The following RXFP2 variants were observed in gnomAD, a reference collection of about 807,000 sequenced individuals.
The protein encoded by RXFP2 is relaxin receptor 2.
In RXFP2, 68 loss-of-function variants were observed where a neutral mutation model predicts 88.6. The ratio of observed to expected loss-of-function variants is 0.77; its 90% CI spans 0.63 to 0.94. The LOEUF (loss-of-function observed/expected upper bound fraction) is 0.94, where lower values mean the gene tolerates loss of function less well. Ranked by LOEUF, RXFP2 falls within the 40% of genes least tolerant of loss-of-function variation. The pLI is 0.00. For missense variants in RXFP2, 791 were observed against 893.9 expected (o/e 0.88, Z 1.47); for synonymous variants, 329 against 306.8 (o/e 1.07, Z -0.76).
chr13:31,792,012 C>A lies in RXFP2; in HGVS notation c.1352C>A (p.Ala451Asp), dbSNP rs748177810. The A allele has an allele frequency of 6.2e-7, 1 of 1,612,702 alleles. No individual in the cohort carries two copies. The change falls in exon 15 of 18, where the codon GCT becomes GAT. Residue 451 changes from alanine (A) to aspartate (D), a missense_variant. Transcript: ENST00000298386. ...ATTAAAGCTGAAAATACAACTCACG[C>A]TATGTCCATCAAAATCCTTTGTTGT... is the stretch of plus-strand genomic sequence containing the variant. ...SFIKAENTTH[A>D]MSIKILCCAD...
At chr13:31,781,647 A>G (rs752541996) in intron 9 of RXFP2, 24 bp from the exon 10 acceptor site, 1 of 1,537,432 alleles carries the variant, frequency 6.5e-7, no homozygotes, top group South Asian at 1.1e-5. Context: ...AATATTAAAA[A>G]TATCTTTCCT....
intron 1 of RXFP2, among the ~76,000 whole-genome samples, chr13:31,754,421 C>T (rs1871831459): frequency 6.6e-6 from 1 of 152,028 alleles, no homozygotes; most frequent in Non-Finnish European, 1.5e-5. Context: ...GTCCCAGCTA[C>T]TGGGGAGGAT....
At chr13:31,768,162 T>C (rs1205040729) in intron 5 of RXFP2, among the ~76,000 whole-genome samples, 1 of 152,196 alleles carries the variant, frequency 6.6e-6, no homozygotes, top group African/African-American at 2.4e-5. Context: ...AAATGTCTAA[T>C]TCTACTTTGT....
At chr13:31,762,394 A>C (rs997275580) in intron 3 of RXFP2, among the ~76,000 whole-genome samples, 2 of 152,072 alleles carry the variant, frequency 1.3e-5, no homozygotes, top group Non-Finnish European at 2.9e-5. Context: ...TCAACAAAAC[A>C]CTGGGGTCAG....
intron 14 of RXFP2, among the ~76,000 whole-genome samples, chr13:31,790,425 T>G (rs1873739340): frequency 6.6e-6 from 1 of 152,194 alleles, no homozygotes; most frequent in African/African-American, 2.4e-5. Context: ...TTTAATTGGA[T>G]GCCAGATATT....
At chr13:31,792,656 C>T in intron 15 of RXFP2, 22 bp from the exon 16 acceptor site, 1 of 1,610,638 alleles carries the variant, frequency 6.2e-7, no homozygotes, top group South Asian at 1.1e-5. Flanking sequence ...TGATGACATA[C>T]ACTGTTTCAA....
intron 2 of RXFP2, among the ~76,000 whole-genome samples, chr13:31,759,740 A>G (rs1872208183): frequency 6.6e-6 from 1 of 152,186 alleles, no homozygotes; most frequent in Admixed American, 6.5e-5. Context: ...GTTTTCTCCC[A>G]CAGAGAGCTA....
rs550810663 is a variant in RXFP2, at chr13:31,778,188, A to G, written c.714-324A>G. ...GATGTATGGCACTGGAAATGATTAC[A>G]ACGTGAAGTTTACAAGGAAAATTAC... On this transcript the variant is annotated intron_variant, in intron 8 of 17. Coordinates refer to ENST00000298386, the MANE Select transcript of RXFP2 (RefSeq NM_130806.5). Among the ~76,000 whole-genome samples the G allele has an allele frequency of 6.6e-5, 10 of 152,322 alleles. No individual in the cohort carries two copies. In the East Asian group the frequency reaches 1.7e-3, roughly 26 times the overall value.
chr13:31,766,500 T>A (rs1407082890), intron 5 of RXFP2, among the ~76,000 whole-genome samples: 1 of 151,906 alleles, frequency 6.6e-6, no homozygotes, highest in African/African-American at 2.4e-5. Flanking sequence ...GGAAAGAAAA[T>A]GCCAATAAAT....
chr13:31,782,541 A>G (rs1358132957), intron 10 of RXFP2, 135 bp from the exon 11 acceptor site: 3 of 714,784 alleles, frequency 4.2e-6, no homozygotes, highest in Non-Finnish European at 7.6e-6. Context: ...CTTAGTTTCC[A>G]CTCCAAAAGA....
At chr13:31,750,552 G>T (rs77031082) in intron 1 of RXFP2, among the ~76,000 whole-genome samples, 3 of 152,052 alleles carry the variant, frequency 2.0e-5, no homozygotes, top group Admixed American at 2.0e-4. Context: ...CTGATCTAAC[G>T]CATGTCAGAG....
chr13:31,750,564 T>A (rs1349126166), intron 1 of RXFP2, among the ~76,000 whole-genome samples: 1 of 152,168 alleles, frequency 6.6e-6, no homozygotes, highest in African/African-American at 2.4e-5. Context: ...ATGTCAGAGA[T>A]AGTCAGTGTA....
chr13:31,787,803 C>T (rs941417373), intron 13 of RXFP2, among the ~76,000 whole-genome samples: 1 of 152,168 alleles, frequency 6.6e-6, no homozygotes, highest in African/African-American at 2.4e-5. Flanking sequence ...CCATGCCAGG[C>T]TACTTTTTTT....
At chr13:31,779,490 G>A (rs1414689579) in intron 9 of RXFP2, among the ~76,000 whole-genome samples, 1 of 152,108 alleles carries the variant, frequency 6.6e-6, no homozygotes, top group African/African-American at 2.4e-5. Context: ...TGCTCAATAA[G>A]CCTTTGTTAG....
chr13:31,782,452 C>T (rs1454534925), intron 10 of RXFP2, among the ~76,000 whole-genome samples: 1 of 152,176 alleles, frequency 6.6e-6, no homozygotes, highest in Non-Finnish European at 1.5e-5. Flanking sequence ...GCTTTCTAGA[C>T]CGCACTCAGG....
chr13:31,741,484 G>C (rs754765978), intron 1 of RXFP2, among the ~76,000 whole-genome samples: 11 of 151,962 alleles, frequency 7.2e-5, no homozygotes, highest in Non-Finnish European at 1.3e-4. Context: ...CAATTAAAAC[G>C]GTAAGGCTTT....
chr13:31,761,733 G>T lies in RXFP2; in HGVS notation c.251G>T (p.Ser84Ile). The T allele has an allele frequency of 6.2e-7, 1 of 1,611,212 alleles. No individual in the cohort carries two copies. Among genetic ancestry groups the T allele is most frequent in the Non-Finnish European group, 8.5e-7 (1 of 1,177,438 alleles). The part of the protein sequence containing the change: ...GADEENCGDT[S>I]GWATIFGTVH... ...AATCACTATTTCACAGGTGACACTAGTGGATGGGCGACCATATTTGGCACA... is the reference window on the plus strand; with the variant it reads ...AATCACTATTTCACAGGTGACACTATTGGATGGGCGACCATATTTGGCACA... The change falls in exon 3 of 18, where the codon AGT becomes ATT. Residue 84 changes from serine to isoleucine, a missense_variant. Ser to Ile is a moderately radical substitution (Grantham distance 142). Transcript: ENST00000298386.
chr13:31,780,936 G>A (rs1257519452), intron 9 of RXFP2, among the ~76,000 whole-genome samples: 2 of 152,170 alleles, frequency 1.3e-5, no homozygotes, highest in Admixed American at 6.5e-5. Context: ...CAAGTTCCAG[G>A]CAGCGCTGAG....
chr13:31,790,731 A>T (rs1316947142), intron 14 of RXFP2, among the ~76,000 whole-genome samples: 2 of 152,192 alleles, frequency 1.3e-5, no homozygotes, highest in African/African-American at 4.8e-5. Flanking sequence ...TAGAAGGAGG[A>T]TTGAGGATTA....
Sources: allele counts gnomAD v4.1 joint callset (sites outside exome capture counted in the v4.1 genomes callset), GRCh38; gene constraint gnomAD v4.1.1; transcripts MANE v1.5; gene names NCBI Gene and HGNC (gene_info 2026-07-23, HGNC 2026-07-21).